The following KCNQ1OT1 variants were observed in gnomAD, a reference collection of about 807,000 sequenced individuals.
KCNQ1OT1 encodes KCNQ1 opposite strand/antisense transcript 1.
chr11:2,693,750 C>T (rs753308967), exon 1 of KCNQ1OT1: 13 of 398,612 alleles, frequency 3.3e-5, no homozygotes, highest in Non-Finnish European at 5.3e-5. Context: ...ATACAGGCTC[C>T]TGCCAGTAAC....
At position 2,653,440 on chromosome 11, in the gene KCNQ1OT1, G is replaced by A. The variant is rs1156954447; in HGVS notation, n.46555C>T. Reference sequence around the variant, plus strand: ...ACTCAAACAAGCTTAAGCACAAAAGGGACATTTTTTGGCTCACACAGCTGG... The same window carrying A: ...ACTCAAACAAGCTTAAGCACAAAAGAGACATTTTTTGGCTCACACAGCTGG... On this transcript the variant is annotated non_coding_transcript_exon_variant, in exon 1 of 1. Coordinates refer to ENST00000597346, the Ensembl canonical transcript of KCNQ1OT1. This position sits in a 1 kb window ranked among gnomAD's most constrained non-coding sequence, Gnocchi z 5.3. The A allele has an allele frequency of 2.3e-5, 9 of 398,424 alleles. No individual in the cohort carries two copies. The highest frequency in any genetic ancestry group is 4.0e-5 in the Non-Finnish European group (9 of 226,094). 24.7% of individuals were successfully genotyped at this position (398,424 alleles called of 1,614,324 possible). A position where few individuals can be genotyped will look rare whatever the true frequency, so the allele number is the denominator to read the frequency against.
Position 2,671,385 on chromosome 11 carries a change from G to A in KCNQ1OT1, n.28610C>T. ...TCCTGAAAAAGGTACAGGAACACCT[G>A]GCATGCCTCTCCCAGGGTACTCTGG... On this transcript the variant is annotated non_coding_transcript_exon_variant, in exon 1 of 1. Coordinates refer to ENST00000597346, the Ensembl canonical transcript of KCNQ1OT1. The surrounding 1 kb of genome is among the most constrained non-coding windows in gnomAD (Gnocchi z 4.7). 1.8e-5 allele frequency: 7 copies of A among 398,532 alleles called. No individual in the cohort carries two copies. Among genetic ancestry groups the A allele is most frequent in the Non-Finnish European group, 2.2e-5 (5 of 226,056 alleles). The allele number at this position is 398,532 out of a possible 1,614,324, so 24.7% of individuals were successfully genotyped here.
At chr11:2,629,091 T>A (rs1284997809) in exon 1 of KCNQ1OT1, 3 of 398,070 alleles carry the variant, frequency 7.5e-6, no homozygotes, top group African/African-American at 6.2e-5. Flanking sequence ...GTAGTTTCTT[T>A]CAAATTTTAG....
Position 2,663,010 on chromosome 11 carries a change from G to A in KCNQ1OT1, n.36985C>T. 2.5e-6 allele frequency: 1 copy of A among 398,768 alleles called. No individual in the cohort carries two copies. 24.7% of individuals were successfully genotyped at this position (398,768 alleles called of 1,614,324 possible). On this transcript the variant is annotated non_coding_transcript_exon_variant, in exon 1 of 1. Transcript: ENST00000597346. The surrounding 1 kb of genome is among the most constrained non-coding windows in gnomAD (Gnocchi z 5.2). ...AAGGCCTGGCCTTGCAAATCACTGA[G>A]GAAATCGGGACCCATGGTGCTGGGG...
At chr11:2,684,347 A>C in exon 1 of KCNQ1OT1, 1 of 398,646 alleles carries the variant, frequency 2.5e-6, no homozygotes, top group Non-Finnish European at 4.4e-6. Flanking sequence ...TATGTGTTTG[A>C]GGCCTGGGAC....
exon 1 of KCNQ1OT1, chr11:2,685,095 G>GAA: frequency 2.5e-6 from 1 of 398,660 alleles, no homozygotes; most frequent in Non-Finnish European, 4.4e-6. Context: ...TCCAGGGAAG[G>GAA]GGCCCTTTTG....
At position 2,671,092 on chromosome 11, in the gene KCNQ1OT1, GGCAGTTAGTCTGA is replaced by G. The variant is rs35276020; in HGVS notation, n.28890_28902del. 181,287 of 397,962 alleles carry G rather than the reference GGCAGTTAGTCTGA, an allele frequency of 0.46. 45,415 individuals are homozygous for G. The highest frequency in any genetic ancestry group is 0.9 in the East Asian group (25,103 of 28,014). 24.7% of individuals were successfully genotyped at this position (397,962 alleles called of 1,614,324 possible). The stretch of plus-strand genomic sequence containing the variant: ...GTGACTGGCTAGCAGGAGGAAGTCT[GGCAGTTAGTCTGA>G]GCAGTTAGTCTGTCAGGCCTGGTTG... On this transcript the variant is annotated non_coding_transcript_exon_variant, in exon 1 of 1. Coordinates refer to ENST00000597346, the Ensembl canonical transcript of KCNQ1OT1. The surrounding 1 kb of genome is among the most constrained non-coding windows in gnomAD (Gnocchi z 4.7).
exon 1 of KCNQ1OT1, chr11:2,643,374 C>T: frequency 2.5e-6 from 1 of 398,322 alleles, no homozygotes; most frequent in Non-Finnish European, 4.4e-6. Context: ...ATTGTTATAT[C>T]CTCTTGGTCA....
exon 1 of KCNQ1OT1, chr11:2,686,520 C>A: frequency 2.5e-6 from 1 of 398,680 alleles, no homozygotes; most frequent in Non-Finnish European, 4.4e-6. Flanking sequence ...ACTCCCGTCA[C>A]GGAAATGACA....
exon 1 of KCNQ1OT1, chr11:2,675,061 A>T (rs1406132471): frequency 2.5e-6 from 1 of 398,544 alleles, no homozygotes; most frequent in Non-Finnish European, 4.4e-6. Flanking sequence ...CCAAGGGCAG[A>T]GCCCCTGGAG....
rs1264362892 is a variant in KCNQ1OT1 at position 2,645,958 on chromosome 11, G to C, written n.54037C>G. The C allele has an allele frequency of 2.5e-6, 1 of 398,652 alleles. No individual in the cohort carries two copies. The highest frequency in any genetic ancestry group is 4.4e-6 in the Non-Finnish European group (1 of 226,090). 24.7% of individuals were successfully genotyped at this position (398,652 alleles called of 1,614,324 possible). ...TTAGTCTCAAGGCATCTATGGGTCAGGGGGTTCTCTGACTAGGATTTCAGG... is the reference window on the plus strand; with the variant it reads ...TTAGTCTCAAGGCATCTATGGGTCACGGGGTTCTCTGACTAGGATTTCAGG... On this transcript the variant is annotated non_coding_transcript_exon_variant, in exon 1 of 1. Coordinates refer to ENST00000597346, the Ensembl canonical transcript of KCNQ1OT1. This position sits in a 1 kb window ranked among gnomAD's most constrained non-coding sequence, Gnocchi z 5.8.
At chr11:2,643,540 CT>C in exon 1 of KCNQ1OT1, 2 of 398,422 alleles carry the variant, frequency 5.0e-6, no homozygotes, top group Non-Finnish European at 8.8e-6. Flanking sequence ...AACTATGTGT[CT>C]TTACAGGTGA....
chr11:2,680,523 T>C (rs762687491), exon 1 of KCNQ1OT1: 2 of 398,584 alleles, frequency 5.0e-6, no homozygotes, highest in Non-Finnish European at 8.8e-6. Context: ...TTGAGATAAT[T>C]GTACATTTCT....
chr11:2,624,489 C>A lies in KCNQ1OT1; in HGVS notation n.75506G>T. 2.5e-6 allele frequency: 1 copy of A among 398,480 alleles called. No individual in the cohort carries two copies. Among genetic ancestry groups the A allele is most frequent in the Non-Finnish European group, 4.4e-6 (1 of 226,028 alleles). 24.7% of individuals were successfully genotyped at this position (398,480 alleles called of 1,614,324 possible). On this transcript the variant is annotated non_coding_transcript_exon_variant, in exon 1 of 1. Coordinates refer to ENST00000597346, the Ensembl canonical transcript of KCNQ1OT1. The surrounding 1 kb of genome is among the most constrained non-coding windows in gnomAD (Gnocchi z 4.9). Reference sequence around the variant, plus strand: ...TGGTGTCATATCTAAAAAGCCATCACCAAACTAAAGATCATCTAGATTTCT... The same window carrying A: ...TGGTGTCATATCTAAAAAGCCATCAACAAACTAAAGATCATCTAGATTTCT...
exon 1 of KCNQ1OT1, chr11:2,672,110 C>G (rs1045607749): frequency 5.0e-6 from 2 of 398,644 alleles, no homozygotes; most frequent in Non-Finnish European, 8.8e-6. Context: ...CACAGGGGAC[C>G]TTTCTTCTCC....
exon 1 of KCNQ1OT1, chr11:2,648,478 T>C (rs1205013504): frequency 5.0e-6 from 2 of 398,416 alleles, no homozygotes; most frequent in African/African-American, 4.1e-5. Context: ...GTTTCTATTT[T>C]CATTTGTTTC....
At chr11:2,681,307 G>C (rs1850392600) in exon 1 of KCNQ1OT1, 1 of 398,332 alleles carries the variant, frequency 2.5e-6, no homozygotes, top group South Asian at 1.3e-4. Flanking sequence ...CAGCCCACCT[G>C]GTTCTCTGTC....
rs940884287 is a variant in KCNQ1OT1, at chr11:2,645,501, A to G, written n.54494T>C. 27 of 398,620 alleles carry G rather than the reference A, an allele frequency of 6.8e-5. No individual in the cohort carries two copies. Among genetic ancestry groups the G allele is most frequent in the Middle Eastern group, 1.2e-3 (2 of 1,612 alleles). 24.7% of individuals were successfully genotyped at this position (398,620 alleles called of 1,614,324 possible). ...TGCTGAATGCTCATGTTGGGGCAGC[A>G]GCAACTCTATTGCAGCCCTACTCCT... is the stretch of plus-strand genomic sequence containing the variant. On this transcript the variant is annotated non_coding_transcript_exon_variant, in exon 1 of 1. Coordinates refer to ENST00000597346, the Ensembl canonical transcript of KCNQ1OT1. The surrounding 1 kb of genome is among the most constrained non-coding windows in gnomAD (Gnocchi z 5.8).
In KCNQ1OT1 at chr11:2,691,194, T is replaced by C. The variant is rs955430161; in HGVS notation, n.8801A>G. ...GGGAGGGGTGCTCAGAGCTCAGCTG[T>C]GTTTAAAAATTAGCAAGTGGAGGAG... On this transcript the variant is annotated non_coding_transcript_exon_variant, in exon 1 of 1. Transcript: ENST00000597346. The surrounding 1 kb of genome is among the most constrained non-coding windows in gnomAD (Gnocchi z 6.4). 2 of 398,634 alleles carry C rather than the reference T, an allele frequency of 5.0e-6. No homozygotes were observed. The highest frequency in any genetic ancestry group is 8.8e-6 in the Non-Finnish European group (2 of 226,100). The allele number at this position is 398,634 out of a possible 1,614,324, so 24.7% of individuals were successfully genotyped here. A position where few individuals can be genotyped will look rare whatever the true frequency, so the allele number is the denominator to read the frequency against.
Sources: gnomAD v4.1 joint callset for allele counts on GRCh38, gnomAD v4.1.1 for gene constraint, Gnocchi (gnomAD v3.1) non-coding constraint, MANE v1.5 for transcripts, NCBI Gene and HGNC (gene_info 2026-07-23, HGNC 2026-07-21) for gene names.